Variants in SLC12A5 observed in about 807,000 individuals in gnomAD.
The protein encoded by SLC12A5 is solute carrier family 12 member 5.
In SLC12A5, 18 loss-of-function variants were observed where a neutral mutation model predicts 124.0. The observed-to-expected ratio is 0.15, with a 90% CI of 0.10 to 0.22. The LOEUF is 0.22. SLC12A5 is among the 10% of genes least tolerant of loss of function. The probability of loss-of-function intolerance (pLI) is 1.00; values close to 1 mark genes in which losing one functional copy is unlikely to be tolerated. For synonymous variants in SLC12A5, 589 were observed against 568.0 expected (o/e 1.04, Z -0.53); for missense variants, 867 against 1,478.7 (o/e 0.59, Z 6.78).
rs1386106494 is a variant in SLC12A5, at chr20:46,056,594, C to A, written c.3110+30C>A. 1.3e-6 allele frequency: 2 copies of A among 1,598,980 alleles called. No homozygotes were observed. The highest frequency in any genetic ancestry group is 4.5e-5 in the East Asian group (2 of 44,742). On this transcript the variant is annotated intron_variant, in intron 23 of 25. Transcript: ENST00000243964. This position sits in a 1 kb window ranked among gnomAD's most constrained non-coding sequence, Gnocchi z 4.3. ...GGGCCTGGGGGCTAAGGGCTGGGGG[C>A]TGGGGTGAGCTAAAGGGTCTTGCTC...
chr20:46,036,916 G>A (rs2145484162), intron 5 of SLC12A5, 121 bp downstream of exon 5: 2 of 1,328,942 alleles, frequency 1.5e-6, no homozygotes, highest in South Asian at 2.5e-5. Context: ...GGGCTGGGCT[G>A]TATCTGTTTT....
In SLC12A5 at chr20:46,056,773, G is replaced by T; in HGVS notation, c.3111-124G>T. ...CAGTTGCAGGCAGCGGAAAGGTGAA[G>T]GGTGTGGGGGCTGGCAGAGCAGGAC... On this transcript the variant is annotated intron_variant, in intron 23 of 25. Transcript: ENST00000243964. The surrounding 1 kb of genome is among the most constrained non-coding windows in gnomAD (Gnocchi z 4.3). 3 of 1,226,340 alleles carry T rather than the reference G, an allele frequency of 2.4e-6. No homozygotes were observed. Among genetic ancestry groups the T allele is most frequent in the Non-Finnish European group, 3.6e-6 (3 of 838,482 alleles). The allele number at this position is 1,226,340 out of a possible 1,614,324, so 76.0% of individuals were successfully genotyped here. A position where few individuals can be genotyped will look rare whatever the true frequency, so the allele number is the denominator to read the frequency against.
At chr20:46,043,558 G>C (rs537722154) in intron 9 of SLC12A5, 75 bp from the exon 10 acceptor site, 1 of 1,470,386 alleles carries the variant, frequency 6.8e-7, no homozygotes, top group East Asian at 2.3e-5. Flanking sequence ...GACCCTGAGG[G>C]TGGTGCCCTT....
chr20:46,036,816 G>T (rs1399902972), intron 5 of SLC12A5, 21 bp downstream of exon 5: 3 of 1,613,682 alleles, frequency 1.9e-6, no homozygotes, highest in Non-Finnish European at 1.7e-6. Context: ...GGGGCTTTGT[G>T]GGGAGGGAGG....
rs1321217422 is a variant in SLC12A5 at position 46,056,551 on chromosome 20, T to C, written c.3097T>C (p.Phe1033Leu). The change falls in exon 23 of 26, where the codon TTC becomes CTC. Residue 1033 changes from phenylalanine (F) to leucine (L), a missense_variant. By Grantham distance (22) the Phe-to-Leu change is conservative (BLOSUM62 0). Around this residue, in one of 9 missense-constraint regions of SLC12A5, gnomAD observed 180 missense variants for 243.6 expected, o/e 0.74. Coordinates refer to ENST00000243964, the MANE Select transcript of SLC12A5 (RefSeq NM_020708.5). This position sits in a 1 kb window ranked among gnomAD's most constrained non-coding sequence, Gnocchi z 4.3. ...CTCCTCTGAGGGCATCAAGGACTTC[T>C]TCAGCATGAAGCCGTACGGGCCTGG... The part of the protein sequence containing the change: ...PVSSEGIKDF[F>L]SMKPEWENLN... 7 of 1,614,062 alleles carry C rather than the reference T, an allele frequency of 4.3e-6. No homozygotes were observed. The highest frequency in any genetic ancestry group is 5.9e-6 in the Non-Finnish European group (7 of 1,179,942).
At position 46,033,474 on chromosome 20, in the gene SLC12A5, C is replaced by T. The variant is rs866623540; in HGVS notation, c.53-1474C>T. Among the ~76,000 whole-genome samples, 6 of 152,246 alleles carry T rather than the reference C, an allele frequency of 3.9e-5. No homozygotes were observed. In the South Asian group the frequency reaches 1.2e-3, roughly 32 times the overall value. Reference sequence around the variant, plus strand: ...CCTGGTGCCCAAGATACTTTCTCCTCGAGTGATCTCATCTAGGCACATGGC... The same window carrying T: ...CCTGGTGCCCAAGATACTTTCTCCTTGAGTGATCTCATCTAGGCACATGGC... On this transcript the variant is annotated intron_variant, in intron 1 of 25. Transcript: ENST00000243964.
Position 46,030,672 on chromosome 20 carries a change from G to A in SLC12A5, c.52+1276G>A, listed in dbSNP as rs113816556. Among the ~76,000 whole-genome samples, 16 of 152,340 alleles carry A rather than the reference G, an allele frequency of 1.1e-4. 3 individuals carry two copies. Among genetic ancestry groups the A allele is most frequent in the African/African-American group, 3.6e-4 (15 of 41,584 alleles). ...AGATCCCTCTGGCGGATGGCGCCTA[G>A]GGCTGAAAGAGCAGGGTCTTCTAGG... On this transcript the variant is annotated intron_variant, in intron 1 of 25. Coordinates refer to ENST00000243964, the MANE Select transcript of SLC12A5 (RefSeq NM_020708.5).
chr20:46,051,069 G>T (rs570597589), intron 17 of SLC12A5, among the ~76,000 whole-genome samples: 26 of 152,078 alleles, frequency 1.7e-4, no homozygotes, highest in Non-Finnish European at 3.2e-4. Flanking sequence ...AGAGTGTGGG[G>T]GTTGGAGTCA....
chr20:46,051,401 G>A (rs934467600), intron 17 of SLC12A5, among the ~76,000 whole-genome samples: 2 of 152,162 alleles, frequency 1.3e-5, no homozygotes, highest in African/African-American at 4.8e-5. Context: ...TGATGGTGGA[G>A]AGCATGTCGG....
Position 46,043,871 on chromosome 20 carries a change from T to C in SLC12A5, c.1337-5T>C, listed in dbSNP as rs2084570563. 1 of 1,613,656 alleles carries C rather than the reference T, an allele frequency of 6.2e-7. No homozygotes were observed. Among genetic ancestry groups the C allele is most frequent in the Middle Eastern group, 1.7e-4 (1 of 6,046 alleles). On this transcript the variant is annotated splice_region_variant and splice_polypyrimidine_tract_variant and intron_variant, in intron 10 of 25. Transcript: ENST00000243964. ...GTGGGGATTCTCCTTTATCCTCTGCTGCAGACATCAGCTCCGTTGTTCTGT... is the reference window on the plus strand; with the variant it reads ...GTGGGGATTCTCCTTTATCCTCTGCCGCAGACATCAGCTCCGTTGTTCTGT...
chr20:46,031,089 C>G (rs903141090), intron 1 of SLC12A5, among the ~76,000 whole-genome samples: 3 of 152,214 alleles, frequency 2.0e-5, no homozygotes, highest in Non-Finnish European at 4.4e-5. Flanking sequence ...GAGCATCTCT[C>G]TGTTCCCTCA....
In SLC12A5 at chr20:46,056,883, T is replaced by G; in HGVS notation, c.3111-14T>G. On this transcript the variant is annotated splice_polypyrimidine_tract_variant and intron_variant, in intron 23 of 25. Coordinates refer to ENST00000243964, the MANE Select transcript of SLC12A5 (RefSeq NM_020708.5). The surrounding 1 kb of genome is among the most constrained non-coding windows in gnomAD (Gnocchi z 4.3). ...TTTTTCTTTCTCTCTTTGCATCTCT[T>G]GTGTTTCCTGAAGGGAGTGGGAGAA... 6.2e-7 allele frequency: 1 copy of G among 1,613,688 alleles called. No homozygotes were observed. Among genetic ancestry groups the G allele is most frequent in the Non-Finnish European group, 8.5e-7 (1 of 1,179,598 alleles).
chr20:46,040,345 A>G (rs749289545), intron 6 of SLC12A5, 28 bp from the exon 7 acceptor site: 6 of 1,611,302 alleles, frequency 3.7e-6, no homozygotes, highest in African/African-American at 2.7e-5. Flanking sequence ...TGACTTAGGT[A>G]TCTGTTCTTC....
chr20:46,053,155 TGTGAGTGTGTGTATG>T lies in SLC12A5; in HGVS notation c.2547+30_2547+44del. 6.3e-7 allele frequency: 1 copy of T among 1,591,780 alleles called. No homozygotes were observed. The highest frequency in any genetic ancestry group is 8.6e-7 in the Non-Finnish European group (1 of 1,161,692). On this transcript the variant is annotated intron_variant, in intron 19 of 25. Coordinates refer to ENST00000243964, the MANE Select transcript of SLC12A5 (RefSeq NM_020708.5). This position sits in a 1 kb window ranked among gnomAD's most constrained non-coding sequence, Gnocchi z 4.7. ...AGTTGTGTGCGTGAGTGTATGCACG[TGTGAGTGTGTGTATG>T]CATGTATGCATTTGTGTGCATATGT...
chr20:46,036,437 A>G, intron 4 of SLC12A5: 1 of 329,546 alleles, frequency 3.0e-6, no homozygotes, highest in South Asian at 4.3e-5. Flanking sequence ...TAGATGGAGA[A>G]ACTGAGGCTT....
intron 1 of SLC12A5, chr20:46,022,204 G>A: frequency 3.7e-6 from 1 of 271,260 alleles, no homozygotes; most frequent in Non-Finnish European, 7.0e-6. Flanking sequence ...TGGAGAGTAG[G>A]CCGTAGGGCA....
At chr20:46,043,530 C>T (rs1218148536) in intron 9 of SLC12A5, 103 bp from the exon 10 acceptor site, 10 of 1,295,512 alleles carry the variant, frequency 7.7e-6, no homozygotes, top group Non-Finnish European at 1.1e-5. Context: ...TATGTTAGGA[C>T]TAGATCCCAG....
intron 1 of SLC12A5, 146 bp downstream of exon 1, chr20:46,029,542 A>C (rs1034722730): frequency 1.0e-5 from 9 of 886,790 alleles, no homozygotes; most frequent in African/African-American, 1.7e-5. Context: ...CCTGGAGCTC[A>C]GCTCCATTGG....
In SLC12A5 at chr20:46,057,701, C is replaced by G; in HGVS notation, c.*96C>G. On this transcript the variant is annotated 3_prime_UTR_variant, in exon 26 of 26. Transcript: ENST00000243964. This position sits in a 1 kb window ranked among gnomAD's most constrained non-coding sequence, Gnocchi z 7.1. ...CCGCTGTCACCGTTTACATACAGACCCTGTGCCCGTGTCCTGGCCCCTTAC... is the reference window on the plus strand; with the variant it reads ...CCGCTGTCACCGTTTACATACAGACGCTGTGCCCGTGTCCTGGCCCCTTAC... The G allele has an allele frequency of 1.1e-6, 1 of 939,752 alleles. No homozygotes were observed. Among genetic ancestry groups the G allele is most frequent in the Non-Finnish European group, 1.6e-6 (1 of 634,562 alleles). 58.2% of individuals were successfully genotyped at this position (939,752 alleles called of 1,614,324 possible). A position where few individuals can be genotyped will look rare whatever the true frequency, so the allele number is the denominator to read the frequency against.
Sources: gnomAD v4.1 joint callset for allele counts (sites outside exome capture counted in the v4.1 genomes callset) on GRCh38, gnomAD v4.1.1 for gene constraint, gnomAD v4.1.1 regional missense constraint, Gnocchi (gnomAD v3.1) non-coding constraint, MANE v1.5 for transcripts, NCBI Gene and HGNC (gene_info 2026-07-23, HGNC 2026-07-21) for gene names.